The following USP34 variants were observed in gnomAD, a reference collection of about 807,000 sequenced individuals.
USP34 encodes the protein ubiquitin specific peptidase 34.
USP34 carries 70 observed loss-of-function variants against 460.3 expected under a neutral mutation model. The ratio of observed to expected loss-of-function variants is 0.15; its 90% CI spans 0.13 to 0.19. The LOEUF (loss-of-function observed/expected upper bound fraction) is 0.19. USP34 is among the 10% of genes least tolerant of loss of function. USP34 has a pLI of 1.00. For synonymous variants in USP34, 1,647 were observed against 1,405.3 expected (o/e 1.17, Z -3.85); for missense variants, 3,985 against 4,236.2 (o/e 0.94, Z 1.65).
intron 1 of USP34, among the ~76,000 whole-genome samples, chr2:61,465,850 G>A (rs1365848432): frequency 7.2e-5 from 11 of 151,922 alleles, no homozygotes; most frequent in Non-Finnish European, 1.2e-4. Flanking sequence ...GGTAGCGGGC[G>A]CCTGTAGTTC....
intron 29 of USP34, 40 bp from the exon 30 acceptor site, chr2:61,296,965 GAAAAGA>G (rs755325290): frequency 7.2e-5 from 112 of 1,552,852 alleles, no homozygotes; most frequent in African/African-American, 1.5e-4. Context: ...AAACAGATCA[GAAAAGA>G]AAAAGTTTTA....
chr2:61,437,817 A>ATAAATAAATAAATAAATAAC (rs1553391325), intron 1 of USP34, among the ~76,000 whole-genome samples: 1 of 149,682 alleles, frequency 6.7e-6, no homozygotes, highest in African/African-American at 2.4e-5. Flanking sequence ...AAATAAATAA[A>ATAAATAAATAAATAAATAAC]AAACCTGAAC....
intron 68 of USP34, among the ~76,000 whole-genome samples, chr2:61,213,300 A>G (rs1266089698): frequency 6.6e-6 from 1 of 152,050 alleles, no homozygotes; most frequent in Non-Finnish European, 1.5e-5. Flanking sequence ...GTGAGCCACT[A>G]TGCCGGCCTG....
At chr2:61,399,339 G>A (rs1409976927) in intron 3 of USP34, among the ~76,000 whole-genome samples, 5 of 139,842 alleles carry the variant, frequency 3.6e-5, no homozygotes, top group East Asian at 4.2e-4. Flanking sequence ...TCAAAACTCC[G>A]TCTCAAAAAA....
intron 46 of USP34, 48 bp from the exon 47 acceptor site, chr2:61,256,998 T>C: frequency 7.0e-7 from 1 of 1,420,622 alleles, no homozygotes; most frequent in Non-Finnish European, 9.3e-7. Flanking sequence ...AATTATAATA[T>C]AAATGAAAAT....
chr2:61,438,965 A>G (rs1445100146), intron 1 of USP34, among the ~76,000 whole-genome samples: 1 of 152,234 alleles, frequency 6.6e-6, no homozygotes, highest in South Asian at 2.1e-4. Context: ...AAAATTCAGT[A>G]AAGTTGCAGG....
chr2:61,399,199 T>C (rs1693634608), intron 3 of USP34, among the ~76,000 whole-genome samples: 2 of 151,908 alleles, frequency 1.3e-5, no homozygotes, highest in African/African-American at 4.8e-5. Context: ...ATTAGCTGGG[T>C]GTCGTGACGC....
chr2:61,191,354 AAAG>A (rs1686636176), intron 76 of USP34: 1 of 152,082 alleles, frequency 6.6e-6, no homozygotes, highest in African/African-American at 2.4e-5. Context: ...TATATGGAAA[AAAG>A]CAATATATTT....
chr2:61,246,579 C>T (rs971843638), intron 49 of USP34, 102 bp from the exon 50 acceptor site: 21 of 779,116 alleles, frequency 2.7e-5, no homozygotes, highest in Non-Finnish European at 3.5e-5. Flanking sequence ...TATTTTAAGT[C>T]ATTTTAATAA....
At chr2:61,266,189 G>T in intron 41 of USP34, 22 bp from the exon 42 acceptor site, 3 of 1,593,430 alleles carry the variant, frequency 1.9e-6, no homozygotes, top group Non-Finnish European at 2.6e-6. Context: ...AAGGAAACAT[G>T]TTATCTAAAC....
In USP34 at chr2:61,248,499, T is replaced by G. The variant is rs779944402; in HGVS notation, c.6394+12A>C. The G allele has an allele frequency of 3.2e-6, 5 of 1,542,968 alleles. No homozygotes were observed. In the Admixed American group the frequency reaches 9.8e-5, roughly 30 times the overall value. ...AATAATCACAGACAAGAGAAAGAAA[T>G]GAAAAAATCACCTTCTTTCCTCTCA... On this transcript the variant is annotated intron_variant, in intron 49 of 79. Coordinates refer to ENST00000398571, the MANE Select transcript of USP34 (RefSeq NM_014709.4).
intron 7 of USP34, 57 bp from the exon 8 acceptor site, chr2:61,378,481 G>A (rs1692862659): frequency 1.8e-6 from 2 of 1,105,304 alleles, no homozygotes; most frequent in African/African-American, 3.2e-5. Context: ...TCTTGCATTT[G>A]TCAGCAAATA....
intron 10 of USP34, among the ~76,000 whole-genome samples, chr2:61,362,024 T>C (rs879106481): frequency 6.6e-6 from 1 of 152,036 alleles, no homozygotes; most frequent in Non-Finnish European, 1.5e-5. Flanking sequence ...AAAATAGACA[T>C]TTCTCAAAAA....
intron 3 of USP34, among the ~76,000 whole-genome samples, chr2:61,396,928 T>C (rs1693548771): frequency 6.6e-6 from 1 of 152,206 alleles, no homozygotes; most frequent in South Asian, 2.1e-4. Flanking sequence ...AATCAAGTGA[T>C]TTTTAAGGTT....
chr2:61,446,195 A>T (rs1054912647), intron 1 of USP34, among the ~76,000 whole-genome samples: 3 of 151,884 alleles, frequency 2.0e-5, no homozygotes, highest in African/African-American at 4.8e-5. Context: ...ACTTCATTCC[A>T]TATTTTCCAC....
chr2:61,297,809 C>G (rs1311782848), intron 29 of USP34, among the ~76,000 whole-genome samples: 1 of 152,144 alleles, frequency 6.6e-6, no homozygotes, highest in East Asian at 1.9e-4. Context: ...ATGGCACGAT[C>G]TCAGCTCACT....
At chr2:61,390,629 G>C (rs915471022) in intron 5 of USP34, among the ~76,000 whole-genome samples, 1 of 152,192 alleles carries the variant, frequency 6.6e-6, no homozygotes, top group Non-Finnish European at 1.5e-5. Flanking sequence ...TTCTAGTTAA[G>C]AATCTGCTAA....
At chr2:61,358,529 T>C (rs888664169) in intron 10 of USP34, among the ~76,000 whole-genome samples, 1 of 152,140 alleles carries the variant, frequency 6.6e-6, no homozygotes, top group Non-Finnish European at 1.5e-5. Context: ...TCATACTCAA[T>C]GATGAATAAC....
chr2:61,242,705 C>A (rs576351058), intron 51 of USP34, among the ~76,000 whole-genome samples: 1 of 151,810 alleles, frequency 6.6e-6, no homozygotes, highest in African/African-American at 2.4e-5. Context: ...AGTAAGGAGA[C>A]GAGGATTCTA....
Sources: gnomAD v4.1 joint callset for allele counts (sites outside exome capture counted in the v4.1 genomes callset) on GRCh38, gnomAD v4.1.1 for gene constraint, MANE v1.5 for transcripts, NCBI Gene and HGNC (gene_info 2026-07-23, HGNC 2026-07-21) for gene names.